AKAP13: variants seen among roughly 807,000 people sequenced by gnomAD.
AKAP13 encodes the protein A-kinase anchoring protein 13.
A neutral mutation model predicts 264.5 loss-of-function variants in AKAP13; 80 were observed. The observed-to-expected ratio is 0.30, with a 90% CI of 0.25 to 0.36. The LOEUF is 0.36. Ranked by LOEUF, AKAP13 falls within the 10% of genes least tolerant of loss-of-function variation. The pLI, the probability that AKAP13 is intolerant of heterozygous loss-of-function variation, is 1.00. For missense variants in AKAP13, 3,712 were observed against 3,435.2 expected, an observed-to-expected ratio of 1.08 and a Z score of -2.01; for synonymous variants, 1,380 against 1,250.2, an observed-to-expected ratio of 1.10 and a Z score of -2.19.
At chr15:85,530,915 C>G (rs2077222955) in intron 3 of AKAP13, among the ~76,000 whole-genome samples, 1 of 152,158 alleles carries the variant, frequency 6.6e-6, no homozygotes, top group African/African-American at 2.4e-5. Context: ...GTCTCTGTCT[C>G]CCAGGCTAGA....
At chr15:85,491,487 T>TTA (rs201134665) in intron 2 of AKAP13, among the ~76,000 whole-genome samples, 1,532 of 142,022 alleles carry the variant, frequency 0.011, 17 homozygotes, top group Middle Eastern at 0.029. Context: ...ATGTATATAT[T>TTA]TATATATATT....
At chr15:85,613,691 A>ATATATATATGT (rs1555450578) in intron 8 of AKAP13, among the ~76,000 whole-genome samples, 1 of 91,968 alleles carries the variant, frequency 1.1e-5, no homozygotes. Context: ...AAAAAAAAAA[A>ATATATATATGT]ATATATATAT....
intron 1 of AKAP13, among the ~76,000 whole-genome samples, chr15:85,465,542 C>T (rs866280382): frequency 0.012 from 1,582 of 137,330 alleles, 43 homozygotes; most frequent in African/African-American, 0.041. Context: ...TGATGTTCCC[C>T]TTCCTGTGTC....
intron 2 of AKAP13, among the ~76,000 whole-genome samples, chr15:85,516,993 T>C (rs1420938378): frequency 6.6e-6 from 1 of 152,244 alleles, no homozygotes; most frequent in Non-Finnish European, 1.5e-5. Flanking sequence ...TACTTAGTTA[T>C]AAGCCTATAT....
chr15:85,687,142 A>G (rs1406545745), intron 16 of AKAP13, among the ~76,000 whole-genome samples: 1 of 152,160 alleles, frequency 6.6e-6, no homozygotes, highest in Non-Finnish European at 1.5e-5. Context: ...CCTGACCTTT[A>G]AAAAAGTCTC....
At chr15:85,677,635 AGT>A (rs2084307181) in intron 14 of AKAP13, among the ~76,000 whole-genome samples, 1 of 145,812 alleles carries the variant, frequency 6.9e-6, no homozygotes, top group Admixed American at 6.8e-5. Flanking sequence ...ACGTTTTGTG[AGT>A]GTGTGTTGTG....
rs370227571 is a variant in AKAP13, at chr15:85,492,727, A to G, written c.33+6974A>G. Among the ~76,000 whole-genome samples the G allele has an allele frequency of 1.1e-4, 16 of 152,264 alleles. No homozygotes were observed. In the East Asian group the frequency reaches 2.3e-3, roughly 22 times the overall value. On this transcript the variant is annotated intron_variant, in intron 2 of 36. Transcript: ENST00000394518. ...ATTATAGCACCCTTTTCCTTTTTCA[A>G]TCCAGGATTTAAACACATTATATCT...
chr15:85,703,721 T>TA (rs2086060865), intron 17 of AKAP13, among the ~76,000 whole-genome samples: 1 of 151,864 alleles, frequency 6.6e-6, no homozygotes, highest in Non-Finnish European at 1.5e-5. Context: ...CATGGACCGG[T>TA]AATCCCAGCT....
rs1260749261 is a variant in AKAP13, at chr15:85,585,724, A to G, written c.4062A>G (p.Glu1354=). Residue 1354 remains glutamate (E), a synonymous_variant, in exon 8 of 37, where the codon GAA becomes GAG. Coordinates refer to ENST00000394518, the MANE Select transcript of AKAP13 (RefSeq NM_007200.5). The part of the protein sequence containing the change: ...PAAEMPDVKA[E]DEVDFRASSI... ...CAGAAATGCCAGACGTGAAAGCTGA[A>G]GATGAAGTGGATTTTAGAGCAAGTT... The G allele has an allele frequency of 1.9e-6, 3 of 1,614,042 alleles. No individual in the cohort carries two copies. Among genetic ancestry groups the G allele is most frequent in the African/African-American group, 1.3e-5 (1 of 74,938 alleles).
chr15:85,497,528 T>C (rs1020830288), intron 2 of AKAP13, among the ~76,000 whole-genome samples: 5 of 152,142 alleles, frequency 3.3e-5, no homozygotes, highest in African/African-American at 1.2e-4. Context: ...AAGAGTGTTA[T>C]CAGTTGTGGG....
intron 11 of AKAP13, among the ~76,000 whole-genome samples, chr15:85,657,135 C>A (rs1342709089): frequency 3.5e-5 from 5 of 142,818 alleles, no homozygotes; most frequent in Non-Finnish European, 7.6e-5. Flanking sequence ...AACAGTGAGA[C>A]CCTGTCTCAA....
intron 2 of AKAP13, among the ~76,000 whole-genome samples, chr15:85,497,396 G>A (rs2075901137): frequency 6.6e-6 from 1 of 152,146 alleles, no homozygotes; most frequent in African/African-American, 2.4e-5. Context: ...ATGGAATATT[G>A]GCAGATGTAA....
At chr15:85,409,387 AGGCT>A (rs2071832878) in intron 1 of AKAP13, among the ~76,000 whole-genome samples, 1 of 151,620 alleles carries the variant, frequency 6.6e-6, no homozygotes, top group East Asian at 1.9e-4. Context: ...CATGTTGTCT[AGGCT>A]GGTCTCGAAC....
intron 8 of AKAP13, among the ~76,000 whole-genome samples, chr15:85,613,713 T>TATATATGTATGTATATATATATATATATA (rs1254657975): frequency 2.7e-5 from 3 of 111,026 alleles, no homozygotes; most frequent in South Asian, 6.7e-4. Context: ...TATATATATA[T>TATATATGTATGTATATATATATATATATA]TAGGAGTGCT....
intron 8 of AKAP13, 28 bp downstream of exon 8, chr15:85,585,851 G>C: frequency 6.2e-7 from 1 of 1,609,324 alleles, no homozygotes; most frequent in Non-Finnish European, 8.5e-7. Flanking sequence ...GTCTATAAGG[G>C]CACAAAATGT....
At chr15:85,396,901 CTTTTTTT>C (rs34499592) in intron 1 of AKAP13, among the ~76,000 whole-genome samples, 21 of 114,630 alleles carry the variant, frequency 1.8e-4, no homozygotes, top group Non-Finnish European at 7.3e-5. Context: ...GTATGTTAGA[CTTTTTTT>C]TTTTTTTTTT....
chr15:85,596,378 G>A (rs1029949093), intron 8 of AKAP13, among the ~76,000 whole-genome samples: 1 of 152,230 alleles, frequency 6.6e-6, no homozygotes, highest in East Asian at 1.9e-4. Context: ...GATCGAAGCA[G>A]GTGTATTGCT....
intron 29 of AKAP13, among the ~76,000 whole-genome samples, chr15:85,729,734 C>T (rs140720274): frequency 6.6e-6 from 1 of 151,964 alleles, no homozygotes; most frequent in African/African-American, 2.4e-5. Context: ...GTCTGGAGTT[C>T]GAGACCAGCC....
At chr15:85,460,851 A>G (rs987591986) in intron 1 of AKAP13, among the ~76,000 whole-genome samples, 1 of 152,224 alleles carries the variant, frequency 6.6e-6, no homozygotes, top group East Asian at 1.9e-4. Context: ...AGATTTTCCC[A>G]TAGAGCCTCC....
Sources: gnomAD v4.1 joint callset for allele counts (sites outside exome capture counted in the v4.1 genomes callset) on GRCh38, gnomAD v4.1.1 for gene constraint, MANE v1.5 for transcripts, NCBI Gene and HGNC (gene_info 2026-07-23, HGNC 2026-07-21) for gene names.